Variants in ZPBP observed in about 807,000 individuals in gnomAD.
ZPBP encodes zona pellucida binding protein.
ZPBP carries 26 observed loss-of-function variants against 44.8 expected under a neutral mutation model. The observed-to-expected ratio is 0.58, with a 90% CI of 0.43 to 0.81. The LOEUF (loss-of-function observed/expected upper bound fraction) is 0.81. Ranked by LOEUF, ZPBP falls within the 30% of genes least tolerant of loss-of-function variation. The pLI, the probability that ZPBP is intolerant of heterozygous loss-of-function variation, is 0.00. For synonymous variants in ZPBP, 174 were observed against 153.2 expected, an observed-to-expected ratio of 1.14 and a Z score of -1.00; for missense variants, 409 against 434.0, an observed-to-expected ratio of 0.94 and a Z score of 0.51.
In ZPBP at chr7:49,915,844, G is replaced by A. The variant is rs540953847; in HGVS notation, n.412-14629C>T. On this transcript the variant is annotated intron_variant and non_coding_transcript_variant, in intron 1 of 2. Coordinates refer to the ZPBP transcript ENST00000465922. ...TGAAGAGTATCAGATGTACAAATAA[G>A]CATCATTGGTAAAAACATACATGCT... 9 of 152,152 alleles carry A rather than the reference G, an allele frequency of 5.9e-5. No individual in the cohort carries two copies. The East Asian group carries it at 1.7e-3, about 29-fold the overall frequency. The allele number at this position is 152,152 out of a possible 1,614,324, so 9.4% of individuals were successfully genotyped here. A position where few individuals can be genotyped will look rare whatever the true frequency, so the allele number is the denominator to read the frequency against.
At chr7:49,973,943 TG>T (rs1408803033) in intron 7 of ZPBP, among the ~76,000 whole-genome samples, 44 of 152,296 alleles carry the variant, frequency 2.9e-4, no homozygotes, top group African/African-American at 1.0e-3. Context: ...AACAGGTATA[TG>T]TAGTAGATAT....
At chr7:49,841,157 A>C in the ZPBP span, among the ~76,000 whole-genome samples, 1 of 152,220 alleles carries the variant, frequency 6.6e-6, no homozygotes, top group Non-Finnish European at 1.5e-5. Flanking sequence ...GAGGGATTCC[A>C]GAGCAAGTGG....
At chr7:49,939,120 A>T (rs1483091) in intron 7 of ZPBP, among the ~76,000 whole-genome samples, 118,597 of 152,172 alleles carry the variant, frequency 0.78, 46,412 homozygotes, top group East Asian at 0.89. Context: ...GTTTCTCAAA[A>T]GTGTGTTGAT....
intron 7 of ZPBP, among the ~76,000 whole-genome samples, chr7:49,967,633 G>A (rs1045157473): frequency 5.9e-5 from 9 of 152,056 alleles, no homozygotes; most frequent in African/African-American, 2.2e-4. Context: ...TGCAACCTCC[G>A]CCTCCCGGGT....
At chr7:49,848,023 G>A (rs1261992052), downstream of ZPBP, among the ~76,000 whole-genome samples, 1 of 152,212 alleles carries the variant, frequency 6.6e-6, no homozygotes, top group African/African-American at 2.4e-5. Context: ...AGCACAGCAT[G>A]TTGCTTCCAC....
downstream of ZPBP, among the ~76,000 whole-genome samples, chr7:49,847,663 G>A (rs1481620580): frequency 6.6e-6 from 1 of 152,238 alleles, no homozygotes. Context: ...AGAAGCTGAA[G>A]TAAAATATGA....
chr7:49,876,870 G>T (rs946273443), intron 2 of ZPBP, among the ~76,000 whole-genome samples: 1 of 151,892 alleles, frequency 6.6e-6, no homozygotes, highest in Non-Finnish European at 1.5e-5. Context: ...ACAACGCACC[G>T]AGATGACTTA....
At chr7:49,945,004 A>G (rs907465641) in intron 7 of ZPBP, among the ~76,000 whole-genome samples, 5 of 152,072 alleles carry the variant, frequency 3.3e-5, no homozygotes, top group African/African-American at 7.2e-5. Context: ...ACTTCCCTGT[A>G]CTGCTTTTGC....
chr7:49,899,740 C>T (rs886585951), intron 2 of ZPBP, among the ~76,000 whole-genome samples: 1 of 151,860 alleles, frequency 6.6e-6, no homozygotes, highest in Non-Finnish European at 1.5e-5. Context: ...TTTCCACACC[C>T]CTCTACCAGA....
At chr7:49,945,206 G>C (rs949261061) in intron 7 of ZPBP, among the ~76,000 whole-genome samples, 3 of 152,128 alleles carry the variant, frequency 2.0e-5, no homozygotes, top group Admixed American at 2.0e-4. Context: ...GGTCAGAGAA[G>C]ATACTTGATA....
At chr7:50,079,935 C>T (rs1202990939) in intron 3 of ZPBP, among the ~76,000 whole-genome samples, 1 of 151,560 alleles carries the variant, frequency 6.6e-6, no homozygotes, top group Non-Finnish European at 1.5e-5. Flanking sequence ...TGTAAATAAA[C>T]AATACTAAAT....
chr7:49,926,621 A>G (rs576308352), intron 1 of ZPBP, among the ~76,000 whole-genome samples: 166 of 152,266 alleles, frequency 1.1e-3, no homozygotes, highest in Non-Finnish European at 2.0e-3. Context: ...GCAGAGACCC[A>G]TCCCACTGCC....
chr7:50,092,977 C>G (rs747441700), intron 1 of ZPBP, 91 bp downstream of exon 1: 9 of 1,511,978 alleles, frequency 6.0e-6, no homozygotes, highest in Admixed American at 2.2e-5. Context: ...CTATATAAAA[C>G]GGATGCACGT....
intron 2 of ZPBP, among the ~76,000 whole-genome samples, chr7:49,864,273 G>A (rs1007348345): frequency 7.0e-6 from 1 of 143,030 alleles, no homozygotes; most frequent in Non-Finnish European, 1.5e-5. Context: ...AAGAAGGAGG[G>A]AGGAGAAGAT....
intron 2 of ZPBP, among the ~76,000 whole-genome samples, chr7:49,885,627 C>A (rs895116704): frequency 6.6e-6 from 1 of 152,144 alleles, no homozygotes; most frequent in African/African-American, 2.4e-5. Flanking sequence ...TAAGAAAATA[C>A]CTCCTCTCAT....
intron 6 of ZPBP, among the ~76,000 whole-genome samples, chr7:50,000,791 C>T (rs1288863348): frequency 6.6e-6 from 1 of 152,128 alleles, no homozygotes; most frequent in Non-Finnish European, 1.5e-5. Context: ...CTGCAATGAG[C>T]TGATTCATGC....
intron 3 of ZPBP, among the ~76,000 whole-genome samples, chr7:50,061,902 G>A (rs542948294): frequency 2.0e-4 from 30 of 152,220 alleles, no homozygotes; most frequent in African/African-American, 3.6e-4. Context: ...TCAAAAAAGC[G>A]AAGCAAACTA....
intron 7 of ZPBP, among the ~76,000 whole-genome samples, chr7:49,945,298 G>GA (rs200032557): frequency 0.031 from 4,672 of 150,844 alleles, 95 homozygotes; most frequent in Middle Eastern, 0.061. Context: ...CATGAGCTGA[G>GA]GAGAAGAATG....
rs1034851643 is a variant in ZPBP, at chr7:49,854,464, T to G, written n.510-3950A>C. Among the ~76,000 whole-genome samples, 125 of 152,306 alleles carry G rather than the reference T, an allele frequency of 8.2e-4. 1 individual carries two copies. The highest frequency in any genetic ancestry group is 2.2e-3 in the Admixed American group (33 of 15,308). The stretch of plus-strand genomic sequence containing the variant: ...TGATTTGCATTTCTCTGATGGCCAG[T>G]GATGATGAGCATTTTTTCATGTGTC... On this transcript the variant is annotated intron_variant and non_coding_transcript_variant, in intron 2 of 2. Coordinates refer to the ZPBP transcript ENST00000465922.
Sources: gnomAD v4.1 joint callset for allele counts (sites outside exome capture counted in the v4.1 genomes callset) on GRCh38, gnomAD v4.1.1 for gene constraint, MANE v1.5 for transcripts, NCBI Gene and HGNC (gene_info 2026-07-23, HGNC 2026-07-21) for gene names.